The following SLC39A10 variants were observed in gnomAD, a reference collection of about 807,000 sequenced individuals.
SLC39A10 encodes the protein solute carrier family 39 member 10.
In SLC39A10, 13 loss-of-function variants were observed where a neutral mutation model predicts 65.1. The observed-to-expected ratio is 0.20, with a 90% CI of 0.13 to 0.32. The LOEUF is 0.32. SLC39A10 is among the 10% of genes least tolerant of loss of function. The pLI, the probability that SLC39A10 is intolerant of heterozygous loss-of-function variation, is 1.00. For missense variants in SLC39A10, 831 were observed against 1,018.4 expected (o/e 0.82, Z 2.50); for synonymous variants, 321 against 342.2 (o/e 0.94, Z 0.68).
chr2:195,716,741 G>A lies in SLC39A10; in HGVS notation c.1801G>A (p.Glu601Lys), dbSNP rs1271474346. Residue 601 changes from glutamate (E) to lysine (K), a missense_variant, in exon 7 of 10, where the codon GAG (glutamate) becomes AAG (lysine). Around this residue, in one of 4 missense-constraint regions of SLC39A10, gnomAD observed 230 missense variants for 242.9 expected, o/e 0.95. Transcript: ENST00000359634. ...TCCTAAAAATTACCTTTGTATAGAAGAGGAGAAAATCATAGACCATTCTCA... is the reference window on the plus strand; with the variant it reads ...TCCTAAAAATTACCTTTGTATAGAAAAGGAGAAAATCATAGACCATTCTCA... Reference protein sequence around the residue: ...SPPKNYLCIEEEKIIDHSHSD... With the variant: ...SPPKNYLCIEKEKIIDHSHSD... 6.2e-7 allele frequency: 1 copy of A among 1,614,160 alleles called. No individual in the cohort carries two copies. The highest frequency in any genetic ancestry group is 1.3e-5 in the African/African-American group (1 of 75,040).
At chr2:195,653,320 GTCT>G (rs1689080606), upstream of SLC39A10, among the ~76,000 whole-genome samples, 3 of 144,820 alleles carry the variant, frequency 2.1e-5, no homozygotes, top group African/African-American at 5.1e-5. Flanking sequence ...TTGAGACAGA[GTCT>G]TCTTCTGTCA....
At chr2:195,639,497 A>G (rs971980081) in intron 2 of SLC39A10, among the ~76,000 whole-genome samples, 16 of 152,138 alleles carry the variant, frequency 1.1e-4, no homozygotes, top group Admixed American at 1.0e-3. Context: ...CTTTTTCCCC[A>G]TTTCTAGACT....
chr2:195,670,529 CA>C (rs1395209863), intron 1 of SLC39A10: 2 of 151,982 alleles, frequency 1.3e-5, no homozygotes, highest in Non-Finnish European at 2.9e-5. Flanking sequence ...TAAGTATAAC[CA>C]TGTATTTTGT....
In SLC39A10 at chr2:195,680,022, A is replaced by G. The variant is rs779217362; in HGVS notation, c.-11-10A>G. 1.7e-5 allele frequency: 27 copies of G among 1,559,772 alleles called. No individual in the cohort carries two copies. The highest frequency in any genetic ancestry group is 2.2e-5 in the Non-Finnish European group (26 of 1,157,742). On this transcript the variant is annotated splice_polypyrimidine_tract_variant and intron_variant, in intron 1 of 9. Coordinates refer to ENST00000359634, the MANE Select transcript of SLC39A10 (RefSeq NM_020342.3). ...AACTAATACTTGTCTCTCTCTTTAA[A>G]TCTCTTTAGGAAAAATAGAAATGAA...
intron 3 of SLC39A10, among the ~76,000 whole-genome samples, chr2:195,705,399 T>G (rs1691363074): frequency 6.6e-6 from 1 of 152,216 alleles, no homozygotes. Context: ...TTCGGTGAGA[T>G]AATTGAGCTA....
intron 2 of SLC39A10, among the ~76,000 whole-genome samples, chr2:195,641,642 T>C (rs1468269109): frequency 6.6e-6 from 1 of 151,996 alleles, no homozygotes; most frequent in African/African-American, 2.4e-5. Context: ...ATGTGCTCAA[T>C]AGCTACATGT....
At chr2:195,726,857 A>G (rs141439552) in intron 8 of SLC39A10, among the ~76,000 whole-genome samples, 102 of 152,306 alleles carry the variant, frequency 6.7e-4, no homozygotes, top group African/African-American at 2.4e-3. Context: ...CCCAGTTAGT[A>G]TTCTGTATCG....
upstream of SLC39A10, among the ~76,000 whole-genome samples, chr2:195,654,036 T>C (rs1038242392): frequency 6.6e-6 from 1 of 152,288 alleles, no homozygotes; most frequent in Middle Eastern, 3.4e-3. Flanking sequence ...CCTCCCAGGT[T>C]CAAGCGATTC....
At chr2:195,699,888 C>T in intron 3 of SLC39A10, among the ~76,000 whole-genome samples, 2 of 152,092 alleles carry the variant, frequency 1.3e-5, no homozygotes, top group East Asian at 3.9e-4. Flanking sequence ...CAACTATTAT[C>T]TCCCGTCAAT....
intron 5 of SLC39A10, among the ~76,000 whole-genome samples, chr2:195,709,923 ATGTTTTCACACAAAAAG>A (rs1254773625): frequency 2.6e-5 from 4 of 152,324 alleles, no homozygotes; most frequent in East Asian, 3.9e-4. Context: ...TTTAATGAAA[ATGTTTTCACACAAAAAG>A]TGTTTTCACA....
At chr2:195,614,449 T>A (rs1033828313) in intron 2 of SLC39A10, among the ~76,000 whole-genome samples, 6 of 152,232 alleles carry the variant, frequency 3.9e-5, no homozygotes, top group African/African-American at 1.4e-4. Flanking sequence ...ATATTCAATT[T>A]CCTGTACATT....
At chr2:195,689,467 T>A (rs1690645859) in intron 3 of SLC39A10, among the ~76,000 whole-genome samples, 1 of 152,188 alleles carries the variant, frequency 6.6e-6, no homozygotes, top group Admixed American at 6.5e-5. Flanking sequence ...TTGCTATTTT[T>A]AGCTATATAA....
chr2:195,657,868 A>G (rs1022744042), intron 1 of SLC39A10, among the ~76,000 whole-genome samples: 1 of 152,190 alleles, frequency 6.6e-6, no homozygotes, highest in African/African-American at 2.4e-5. Context: ...ACCGAGGCTA[A>G]CGGACGGCGG....
chr2:195,651,080 G>GTT (rs35709403), intron 2 of SLC39A10, among the ~76,000 whole-genome samples: 20 of 142,730 alleles, frequency 1.4e-4, no homozygotes, highest in African/African-American at 3.1e-4. Flanking sequence ...CAAAAAAAAT[G>GTT]TTTTTTTTTT....
chr2:195,666,342 C>G (rs113385648), intron 1 of SLC39A10, among the ~76,000 whole-genome samples: 2 of 152,082 alleles, frequency 1.3e-5, no homozygotes, highest in African/African-American at 4.8e-5. Flanking sequence ...CAATGGCAAG[C>G]TGGTATAAAA....
intron 1 of SLC39A10, among the ~76,000 whole-genome samples, chr2:195,659,814 C>T (rs574347495): frequency 6.6e-6 from 1 of 152,186 alleles, no homozygotes; most frequent in South Asian, 2.1e-4. Context: ...ACAGATGTTT[C>T]AGTTCTTTCA....
At chr2:195,697,666 A>G (rs893115429) in intron 3 of SLC39A10, among the ~76,000 whole-genome samples, 8 of 151,940 alleles carry the variant, frequency 5.3e-5, no homozygotes, top group East Asian at 1.9e-4. Flanking sequence ...AAATTTTGCA[A>G]AGTTATGCAT....
At chr2:195,709,706 C>T (rs573232852) in intron 5 of SLC39A10, among the ~76,000 whole-genome samples, 33 of 152,224 alleles carry the variant, frequency 2.2e-4, no homozygotes, top group African/African-American at 7.0e-4. Context: ...TTTGTTACTA[C>T]ATTTATTTTG....
At position 195,735,758 on chromosome 2, in the gene SLC39A10, TG is replaced by T. The variant is rs1692574644; in HGVS notation, c.*718del. 6.6e-6 allele frequency: 1 copy of T among 152,402 alleles called. No homozygotes were observed. The highest frequency in any genetic ancestry group is 1.5e-5 in the Non-Finnish European group (1 of 67,982). 9.4% of individuals were successfully genotyped at this position (152,402 alleles called of 1,614,324 possible). A position where few individuals can be genotyped will look rare whatever the true frequency, so the allele number is the denominator to read the frequency against. ...TTCTTTGTATTATTATAATACTTGG[TG>T]TTGGGGTGTTCTTTCTGTTTTGTTT... On this transcript the variant is annotated 3_prime_UTR_variant, in exon 10 of 10. Coordinates refer to ENST00000359634, the MANE Select transcript of SLC39A10 (RefSeq NM_020342.3).
Sources: gnomAD v4.1 joint callset for allele counts (sites outside exome capture counted in the v4.1 genomes callset) on GRCh38, gnomAD v4.1.1 for gene constraint, gnomAD v4.1.1 regional missense constraint, MANE v1.5 for transcripts, NCBI Gene and HGNC (gene_info 2026-07-23, HGNC 2026-07-21) for gene names.